Variants in GAB2 observed in about 807,000 individuals in gnomAD.
The protein encoded by GAB2 is GRB2 associated binding protein 2.
GAB2 carries 26 observed loss-of-function variants against 65.5 expected under a neutral mutation model. The observed-to-expected ratio is 0.40, with a 90% confidence interval of 0.29 to 0.55. GAB2 has a LOEUF of 0.55. Among genes scored for constraint, GAB2 ranks in the 20% least tolerant of loss-of-function variants. The pLI, the probability that GAB2 is intolerant of heterozygous loss-of-function variation, is 0.53. For synonymous variants in GAB2, 321 were observed against 329.6 expected, an observed-to-expected ratio of 0.97 and a Z score of 0.28; for missense variants, 884 against 875.8, an observed-to-expected ratio of 1.01 and a Z score of -0.12.
Position 78,219,089 on chromosome 11 carries a change from C to T in GAB2, c.*183G>A. ...GGGCCCCGAGTGGGCAGAGGAGGTGCCTTGATCAGGCCCTCACCTCCCAGG... is the reference window on the plus strand; with the variant it reads ...GGGCCCCGAGTGGGCAGAGGAGGTGTCTTGATCAGGCCCTCACCTCCCAGG... On this transcript the variant is annotated 3_prime_UTR_variant, in exon 10 of 10. Transcript: ENST00000361507. 1.7e-6 allele frequency: 1 copy of T among 592,576 alleles called. No individual in the cohort carries two copies. The highest frequency in any genetic ancestry group is 3.0e-5 in the Admixed American group (1 of 32,896). 36.7% of individuals were successfully genotyped at this position (592,576 alleles called of 1,614,324 possible).
At position 78,346,714 on chromosome 11, in the gene GAB2, TATATATAA is replaced by T. The variant is rs1375414406; in HGVS notation, c.76-65821_76-65814del. Among the ~76,000 whole-genome samples, 456 of 88,144 alleles carry T rather than the reference TATATATAA, an allele frequency of 5.2e-3. 16 individuals are homozygous for T. Among genetic ancestry groups the T allele is most frequent in the East Asian group, 0.015 (43 of 2,944 alleles). The allele number at this position is 88,144 out of a possible 152,430, so 57.8% of individuals were successfully genotyped here. A position where few individuals can be genotyped will look rare whatever the true frequency, so the allele number is the denominator to read the frequency against. On this transcript the variant is annotated intron_variant, in intron 1 of 9. Coordinates refer to ENST00000361507, the MANE Select transcript of GAB2 (RefSeq NM_080491.3). ...ATATATATATATATATATATATATA[TATATATAA>T]TTTTTTTTTTTTTTAGGAAAAGAAA... is the stretch of plus-strand genomic sequence containing the variant.
chr11:78,262,520 C>G (rs1865761063), intron 2 of GAB2, among the ~76,000 whole-genome samples: 1 of 152,138 alleles, frequency 6.6e-6, no homozygotes, highest in South Asian at 2.1e-4. Context: ...GCAGAGGGTA[C>G]AAAAATGGGG....
chr11:78,347,733 T>C (rs921872968), intron 1 of GAB2, among the ~76,000 whole-genome samples: 1 of 152,268 alleles, frequency 6.6e-6, no homozygotes, highest in African/African-American at 2.4e-5. Context: ...ACAAAAAGCA[T>C]AAATCATAAA....
At chr11:78,360,349 A>G (rs61672210) in intron 1 of GAB2, among the ~76,000 whole-genome samples, 3,697 of 151,474 alleles carry the variant, frequency 0.024, 122 homozygotes, top group African/African-American at 0.078. Context: ...CTGGCACAGT[A>G]CTTGAGACCA....
At chr11:78,353,468 G>A (rs1856311528) in intron 1 of GAB2, among the ~76,000 whole-genome samples, 1 of 152,094 alleles carries the variant, frequency 6.6e-6, no homozygotes, top group Non-Finnish European at 1.5e-5. Context: ...GGGAGAAACT[G>A]GGGATGGGGC....
intron 1 of GAB2, among the ~76,000 whole-genome samples, chr11:78,288,992 T>C (rs183443272): frequency 6.6e-6 from 1 of 152,238 alleles, no homozygotes; most frequent in Non-Finnish European, 1.5e-5. Context: ...AATAGATCAA[T>C]TCTTGGCCGT....
intron 1 of GAB2, among the ~76,000 whole-genome samples, chr11:78,405,141 C>T (rs537551275): frequency 1.3e-4 from 18 of 143,712 alleles, no homozygotes; most frequent in Non-Finnish European, 2.5e-4. Flanking sequence ...CTCTGTCGCC[C>T]AGGCTGGAAT....
intron 1 of GAB2, among the ~76,000 whole-genome samples, chr11:78,310,606 T>C (rs1855480079): frequency 6.6e-6 from 1 of 151,310 alleles, no homozygotes; most frequent in Non-Finnish European, 1.5e-5. Flanking sequence ...TGGTTAAAAA[T>C]AGCTTAGAGA....
At chr11:78,261,605 C>T (rs763304235) in intron 2 of GAB2, among the ~76,000 whole-genome samples, 4 of 152,162 alleles carry the variant, frequency 2.6e-5, no homozygotes, top group African/African-American at 4.8e-5. Flanking sequence ...TTCTCCTGTT[C>T]CTTCGTGTGG....
At chr11:78,304,807 G>A (rs1855317880) in intron 1 of GAB2, among the ~76,000 whole-genome samples, 1 of 152,264 alleles carries the variant, frequency 6.6e-6, no homozygotes, top group Non-Finnish European at 1.5e-5. Flanking sequence ...TAGCATTCAA[G>A]GGCCTTCCTT....
At chr11:78,228,107 C>A (rs1299552795) in intron 3 of GAB2, among the ~76,000 whole-genome samples, 1 of 152,170 alleles carries the variant, frequency 6.6e-6, no homozygotes, top group Non-Finnish European at 1.5e-5. Context: ...TGTGTATCAC[C>A]AAGCCTCCTC....
chr11:78,241,649 C>T (rs1374525113), intron 3 of GAB2, among the ~76,000 whole-genome samples: 3 of 149,862 alleles, frequency 2.0e-5, no homozygotes, highest in African/African-American at 7.3e-5. Context: ...CTGAAGAATT[C>T]AATGAATGAA....
At chr11:78,271,562 G>A (rs575439349) in intron 2 of GAB2, among the ~76,000 whole-genome samples, 26 of 152,326 alleles carry the variant, frequency 1.7e-4, no homozygotes, top group African/African-American at 6.3e-4. Flanking sequence ...AATATGTGAA[G>A]ACTGGAAGGT....
intron 3 of GAB2, among the ~76,000 whole-genome samples, chr11:78,239,986 C>G (rs1476944075): frequency 1.3e-5 from 2 of 152,032 alleles, no homozygotes; most frequent in African/African-American, 4.8e-5. Context: ...CATTCCAAAG[C>G]TGAGCTGTGA....
rs551414942 is a variant in GAB2, at chr11:78,383,797, T to TAGTG, written c.75+33845_75+33848dup. Among the ~76,000 whole-genome samples the TAGTG allele has an allele frequency of 3.1e-4, 47 of 151,552 alleles. No homozygotes were observed. In the East Asian group the frequency reaches 8.9e-3, roughly 29 times the overall value. On this transcript the variant is annotated intron_variant, in intron 1 of 9. Coordinates refer to ENST00000361507, the MANE Select transcript of GAB2 (RefSeq NM_080491.3). ...ATGGCCACAGACCTCGTCCCAGGAG[T>TAGTG]AGTGAGTCAGGGTAAGGTCTCTGGG... is the stretch of plus-strand genomic sequence containing the variant.
chr11:78,238,510 A>G lies in GAB2; in HGVS notation c.621-11459T>C, dbSNP rs545873450. 9.9e-5 allele frequency among the ~76,000 whole-genome samples: 15 copies of G among 150,982 alleles called. No individual in the cohort carries two copies. The South Asian group carries it at 3.1e-3, about 32-fold the overall frequency. ...AAAAAAAAAAAAAAGTCGAAGAAAT[A>G]TTGGTAGAAAGTTTGCTAAACTAGA... On this transcript the variant is annotated intron_variant, in intron 3 of 9. Coordinates refer to ENST00000361507, the MANE Select transcript of GAB2 (RefSeq NM_080491.3).
At chr11:78,245,355 T>C (rs1052450363) in intron 3 of GAB2, among the ~76,000 whole-genome samples, 1 of 152,166 alleles carries the variant, frequency 6.6e-6, no homozygotes, top group Non-Finnish European at 1.5e-5. Context: ...GGAAAATACA[T>C]ATAGAATAAT....
chr11:78,220,252 G>C (rs2134451646), intron 9 of GAB2, 67 bp downstream of exon 9: 4 of 1,572,826 alleles, frequency 2.5e-6, no homozygotes, highest in Non-Finnish European at 3.5e-6. Context: ...AGGCACCCTG[G>C]CCTCCATGAT....
intron 2 of GAB2, among the ~76,000 whole-genome samples, chr11:78,255,892 G>GA (rs955706546): frequency 1.3e-5 from 2 of 152,148 alleles, no homozygotes; most frequent in Non-Finnish European, 2.9e-5. Context: ...ACATGTAACA[G>GA]AAAAAAATGT....
Sources: allele counts gnomAD v4.1 joint callset (sites outside exome capture counted in the v4.1 genomes callset), GRCh38; gene constraint gnomAD v4.1.1; transcripts MANE v1.5; gene names NCBI Gene and HGNC (gene_info 2026-07-23, HGNC 2026-07-21).